GPHN: variants seen among roughly 807,000 people sequenced by gnomAD.
GPHN encodes gephyrin.
GPHN carries 17 observed loss-of-function variants against 95.5 expected under a neutral mutation model. The ratio of observed to expected loss-of-function variants is 0.18; its 90% CI spans 0.12 to 0.27. The LOEUF (loss-of-function observed/expected upper bound fraction) is 0.27, where lower values mean the gene tolerates loss of function less well. GPHN is among the 10% of genes least tolerant of loss of function. The probability of loss-of-function intolerance (pLI) is 1.00; values close to 1 mark genes in which losing one functional copy is unlikely to be tolerated. For synonymous variants in GPHN, 320 were observed against 322.5 expected (o/e 0.99, Z 0.08); for missense variants, 660 against 978.1 (o/e 0.67, Z 4.34).
intron 18 of GPHN, among the ~76,000 whole-genome samples, chr14:67,153,206 A>G (rs2081384549): frequency 2.0e-5 from 3 of 152,040 alleles, no homozygotes; most frequent in African/African-American, 7.2e-5. Context: ...AGCTGAGGTG[A>G]GAGGTCAAGG....
At chr14:67,070,420 G>A (rs1027107686) in intron 11 of GPHN, among the ~76,000 whole-genome samples, 47 of 148,962 alleles carry the variant, frequency 3.2e-4, no homozygotes, top group Non-Finnish European at 5.3e-4. Flanking sequence ...ATTACCGGCC[G>A]GGCGCGGTGG....
the GPHN span, among the ~76,000 whole-genome samples, chr14:67,448,919 C>G: frequency 6.6e-6 from 1 of 152,174 alleles, no homozygotes; most frequent in Non-Finnish European, 1.5e-5. Context: ...CAGTGATTCT[C>G]TTCATGGCTG....
intron 2 of GPHN, among the ~76,000 whole-genome samples, chr14:66,712,021 T>C (rs1428969654): frequency 6.6e-6 from 1 of 152,234 alleles, no homozygotes; most frequent in Admixed American, 6.5e-5. Context: ...TCCAAGTCTT[T>C]GCTATTGTGA....
At chr14:66,912,589 C>T (rs2065724544) in intron 5 of GPHN, among the ~76,000 whole-genome samples, 1 of 151,998 alleles carries the variant, frequency 6.6e-6, no homozygotes, top group Non-Finnish European at 1.5e-5. Context: ...TTCTTTATAT[C>T]TTCTGTCATC....
the GPHN span, among the ~76,000 whole-genome samples, chr14:67,230,316 A>C: frequency 1.3e-5 from 2 of 152,318 alleles, no homozygotes; most frequent in South Asian, 2.1e-4. Context: ...GTGGTCTCTC[A>C]TGCCTATAAT....
chr14:66,977,348 T>C (rs2070322918), intron 9 of GPHN, among the ~76,000 whole-genome samples: 1 of 152,002 alleles, frequency 6.6e-6, no homozygotes, highest in African/African-American at 2.4e-5. Flanking sequence ...GGAGAATCAC[T>C]TGAACCCGGG....
intron 21 of GPHN, among the ~76,000 whole-genome samples, chr14:67,177,509 A>G (rs2083062159): frequency 6.6e-6 from 1 of 152,166 alleles, no homozygotes; most frequent in African/African-American, 2.4e-5. Flanking sequence ...TATGTGGTCA[A>G]TTTTAGAATC....
At chr14:67,384,298 T>C in the GPHN span, 1 of 152,102 alleles carries the variant, frequency 6.6e-6, no homozygotes, top group African/African-American at 2.4e-5. Context: ...TATTAAAATA[T>C]CCACTAGATG....
At chr14:66,675,824 A>G (rs2066554648) in intron 1 of GPHN, among the ~76,000 whole-genome samples, 1 of 152,164 alleles carries the variant, frequency 6.6e-6, no homozygotes, top group Non-Finnish European at 1.5e-5. Flanking sequence ...GCATATAAAT[A>G]TCCAATTTTC....
At chr14:67,695,515 G>C in the GPHN span, 1 of 1,019,148 alleles carries the variant, frequency 9.8e-7, no homozygotes, top group Non-Finnish European at 1.4e-6. Context: ...TCTGGGCTCC[G>C]CCATCTTGGA....
At chr14:67,027,826 C>G (rs1705121301) in intron 10 of GPHN, among the ~76,000 whole-genome samples, 1 of 152,016 alleles carries the variant, frequency 6.6e-6, no homozygotes, top group African/African-American at 2.4e-5. Flanking sequence ...ATGATCAAGT[C>G]AGGGTATTTG....
chr14:67,145,107 T>A (rs1189137479), intron 18 of GPHN, among the ~76,000 whole-genome samples: 2 of 152,230 alleles, frequency 1.3e-5, no homozygotes, highest in Non-Finnish European at 2.9e-5. Flanking sequence ...TCAAACTGCC[T>A]GTGGTACTCT....
chr14:67,265,375 A>G, the GPHN span, among the ~76,000 whole-genome samples: 3 of 151,838 alleles, frequency 2.0e-5, no homozygotes, highest in African/African-American at 7.3e-5. Context: ...TGGGCAACAT[A>G]CTGAGACTCT....
At chr14:66,934,550 A>G (rs1473476471) in intron 8 of GPHN, among the ~76,000 whole-genome samples, 1 of 152,208 alleles carries the variant, frequency 6.6e-6, no homozygotes, top group African/African-American at 2.4e-5. Context: ...ATGTAATTCA[A>G]AGCAGTCAGA....
At chr14:66,683,662 G>GA (rs996897748) in intron 2 of GPHN, among the ~76,000 whole-genome samples, 2 of 149,070 alleles carry the variant, frequency 1.3e-5, no homozygotes, top group African/African-American at 5.0e-5. Flanking sequence ...AAGTATATCA[G>GA]AAATTTTTTT....
At chr14:66,768,868 A>G (rs1167657117) in intron 2 of GPHN, among the ~76,000 whole-genome samples, 1 of 152,042 alleles carries the variant, frequency 6.6e-6, no homozygotes, top group East Asian at 1.9e-4. Context: ...AATGTTTGAA[A>G]CAACTCAAGA....
In GPHN at chr14:66,922,649, CT is replaced by C; in HGVS notation, c.457-14del. The C allele has an allele frequency of 6.4e-7, 1 of 1,566,046 alleles. No individual in the cohort carries two copies. Among genetic ancestry groups the C allele is most frequent in the Non-Finnish European group, 8.7e-7 (1 of 1,155,632 alleles). Reference sequence around the variant, plus strand: ...AAGTGCTTCATCTTAATTTTTTTTTCTTTCTCTTGCATACAGGAATGCTTTC... The same window carrying C: ...AAGTGCTTCATCTTAATTTTTTTTTCTTCTCTTGCATACAGGAATGCTTTC... On this transcript the variant is annotated splice_polypyrimidine_tract_variant and intron_variant, in intron 6 of 22. Coordinates refer to ENST00000478722, the MANE Select transcript of GPHN (RefSeq NM_020806.5).
chr14:67,194,799 A>T, the GPHN span, among the ~76,000 whole-genome samples: 1 of 152,192 alleles, frequency 6.6e-6, no homozygotes, highest in South Asian at 2.1e-4. Context: ...CTGGGATTAC[A>T]GGCACCTGTC....
At chr14:67,330,712 C>G in the GPHN span, among the ~76,000 whole-genome samples, 1 of 151,856 alleles carries the variant, frequency 6.6e-6, no homozygotes, top group South Asian at 2.1e-4. Flanking sequence ...CCTGCCTCAG[C>G]CTTCCAAAGT....
Sources: allele counts gnomAD v4.1 joint callset (sites outside exome capture counted in the v4.1 genomes callset), GRCh38; gene constraint gnomAD v4.1.1; transcripts MANE v1.5; gene names NCBI Gene and HGNC (gene_info 2026-07-23, HGNC 2026-07-21).